Variants in CAPN1 observed in about 807,000 individuals in gnomAD.
CAPN1 encodes calpain-1 catalytic subunit.
CAPN1 carries 77 observed loss-of-function variants against 105.2 expected under a neutral mutation model. That is an observed-to-expected ratio of 0.73 (90% CI 0.61 to 0.88). CAPN1 has a LOEUF of 0.88. Among genes scored for constraint, CAPN1 ranks in the 40% least tolerant of loss-of-function variants. The pLI is 0.00. For missense variants in CAPN1, 833 were observed against 976.6 expected, an observed-to-expected ratio of 0.85 and a Z score of 1.96; for synonymous variants, 355 against 388.8, an observed-to-expected ratio of 0.91 and a Z score of 1.02.
chr11:65,186,755 G>A (rs112743245), intron 6 of CAPN1, among the ~76,000 whole-genome samples: 6 of 151,650 alleles, frequency 4.0e-5, no homozygotes, highest in African/African-American at 9.7e-5. Context: ...ACTCAACTCC[G>A]CTCCCCAGTC....
At chr11:65,200,648 G>C (rs1208262124) in intron 10 of CAPN1, among the ~76,000 whole-genome samples, 1 of 152,036 alleles carries the variant, frequency 6.6e-6, no homozygotes, top group African/African-American at 2.4e-5. Context: ...CGGCCGCCTT[G>C]TTCTTTTTTT....
At position 65,206,516 on chromosome 11, in the gene CAPN1, G is replaced by A. The variant is rs745365536; in HGVS notation, c.1407G>A (p.Ala469=). 32 of 1,613,334 alleles carry A rather than the reference G, an allele frequency of 2.0e-5. No individual in the cohort carries two copies. The highest frequency in any genetic ancestry group is 5.3e-5 in the African/African-American group (4 of 74,942). The change falls in exon 13 of 22, where the codon GCG becomes GCA. Residue 469 remains alanine, a synonymous_variant. Transcript: ENST00000279247. ...HLKRDFFLAN[A]SRARSEQFIN... is the part of the protein sequence containing the mutation. The stretch of plus-strand genomic sequence containing the variant: ...AGCGTGACTTCTTCCTGGCCAATGC[G>A]TCTCGGGCGCGCTCAGAGCAGTTCA...
chr11:65,211,248 G>T lies in CAPN1; in HGVS notation c.2119-12G>T. 1.2e-6 allele frequency: 2 copies of T among 1,612,688 alleles called. No homozygotes were observed. Among genetic ancestry groups the T allele is most frequent in the Non-Finnish European group, 1.7e-6 (2 of 1,179,762 alleles). On this transcript the variant is annotated splice_polypyrimidine_tract_variant and intron_variant, in intron 21 of 21. Coordinates refer to ENST00000279247, the MANE Select transcript of CAPN1 (RefSeq NM_005186.4). ...TTCTGCGGCCCCAGCTGACCTGCCTGTTCTCCCGCAGTGGTTGCAGCTGAC... is the reference window on the plus strand; with the variant it reads ...TTCTGCGGCCCCAGCTGACCTGCCTTTTCTCCCGCAGTGGTTGCAGCTGAC...
chr11:65,189,704 T>A (rs1173133073), intron 10 of CAPN1, among the ~76,000 whole-genome samples: 1 of 152,092 alleles, frequency 6.6e-6, no homozygotes, highest in Non-Finnish European at 1.5e-5. Flanking sequence ...ACAAAACCCA[T>A]CTCCACTGGC....
At chr11:65,185,329 G>C (rs992067077) in intron 4 of CAPN1, among the ~76,000 whole-genome samples, 1 of 151,974 alleles carries the variant, frequency 6.6e-6, no homozygotes, top group African/African-American at 2.4e-5. Context: ...GGGAGAAAAG[G>C]GGGCCTGGGT....
At chr11:65,184,278 C>T (rs1948598611) in intron 4 of CAPN1, among the ~76,000 whole-genome samples, 1 of 152,148 alleles carries the variant, frequency 6.6e-6, no homozygotes, top group Non-Finnish European at 1.5e-5. Context: ...GGAGGTGGCC[C>T]TCGGAACCCA....
chr11:65,204,921 C>A, intron 11 of CAPN1, 63 bp downstream of exon 11: 1 of 1,441,880 alleles, frequency 6.9e-7, no homozygotes, highest in Non-Finnish European at 9.6e-7. Context: ...GCCCCCGACC[C>A]GCAGTGCAGG....
At chr11:65,211,131 T>G in intron 21 of CAPN1, 129 bp from the exon 22 acceptor site, 1 of 1,055,102 alleles carries the variant, frequency 9.5e-7, no homozygotes, top group Non-Finnish European at 1.4e-6. Flanking sequence ...GGTAAGAAAG[T>G]AACCCCTCCA....
Position 65,208,369 on chromosome 11 carries a change from C to A in CAPN1, c.1729+107C>A. The stretch of plus-strand genomic sequence containing the variant: ...ACCTCATCCCTTGGTCTGCATGAGT[C>A]GGGGAATCCTCCAGTTTTTCTGAGC... On this transcript the variant is annotated intron_variant, in intron 16 of 21. Transcript: ENST00000279247. The surrounding 1 kb of genome is among the most constrained non-coding windows in gnomAD (Gnocchi z 4.1). 3.7e-6 allele frequency: 4 copies of A among 1,093,166 alleles called. No individual in the cohort carries two copies. In the South Asian group the frequency reaches 5.4e-5, roughly 15 times the overall value. 67.7% of individuals were successfully genotyped at this position (1,093,166 alleles called of 1,614,324 possible).
At chr11:65,186,461 T>C (rs1948635440) in intron 6 of CAPN1, 123 bp downstream of exon 6, 1 of 849,334 alleles carries the variant, frequency 1.2e-6, no homozygotes, top group Non-Finnish European at 1.8e-6. Context: ...GCTTCATCTC[T>C]GGATGCATAC....
rs1214341034 is a variant in CAPN1 at position 65,182,975 on chromosome 11, G to A, written c.267+7G>A. 2 of 1,613,224 alleles carry A rather than the reference G, an allele frequency of 1.2e-6. No individual in the cohort carries two copies. The highest frequency in any genetic ancestry group is 1.7e-6 in the Non-Finnish European group (2 of 1,179,620). On this transcript the variant is annotated splice_region_variant and intron_variant, in intron 2 of 21. Transcript: ENST00000279247. ...CAAGTGGAAGCGTCCCACGGTGAGA[G>A]GGGCCATCCTGGGTGGGACTCGGCT...
At position 65,210,995 on chromosome 11, in the gene CAPN1, C is replaced by A; in HGVS notation, c.2118+123C>A. The A allele has an allele frequency of 2.2e-6, 2 of 914,188 alleles. No homozygotes were observed. The highest frequency in any genetic ancestry group is 3.6e-6 in the Non-Finnish European group (2 of 562,916). The allele number at this position is 914,188 out of a possible 1,614,324, so 56.6% of individuals were successfully genotyped here. ...GGGCCTCAGAGCCAACCCTGAAGCC[C>A]GGGCCACCTGAATCCTGAAAGGCTG... On this transcript the variant is annotated intron_variant, in intron 21 of 21. Transcript: ENST00000279247. The surrounding 1 kb of genome is among the most constrained non-coding windows in gnomAD (Gnocchi z 4.3).
At position 65,211,374 on chromosome 11, in the gene CAPN1, G is replaced by C; in HGVS notation, c.*88G>C. The C allele has an allele frequency of 1.5e-6, 2 of 1,305,452 alleles. No homozygotes were observed. Among genetic ancestry groups the C allele is most frequent in the Non-Finnish European group, 1.1e-6 (1 of 917,950 alleles). 80.9% of individuals were successfully genotyped at this position (1,305,452 alleles called of 1,614,324 possible). The stretch of plus-strand genomic sequence containing the variant: ...TACCACACCACACCAGGCCACCCCA[G>C]CTGCAAGTGCCTTCCTTGGAGCAGA... On this transcript the variant is annotated 3_prime_UTR_variant, in exon 22 of 22. Transcript: ENST00000279247.
intron 10 of CAPN1, among the ~76,000 whole-genome samples, chr11:65,202,309 T>G (rs564065700): frequency 6.6e-6 from 1 of 152,186 alleles, no homozygotes; most frequent in Non-Finnish European, 1.5e-5. Flanking sequence ...TTCTATTTTT[T>G]AAAAATATCT....
chr11:65,183,427 CG>C (rs1474553306), intron 3 of CAPN1, 46 bp from the exon 4 acceptor site: 6 of 1,436,128 alleles, frequency 4.2e-6, no homozygotes, highest in Middle Eastern at 1.8e-4. Context: ...CTTCCCCCCC[CG>C]GGGCAGGTTG....
rs1310602528 is a variant in CAPN1 at position 65,182,906 on chromosome 11, G to A, written c.205G>A (p.Gly69Ser). The A allele has an allele frequency of 1.3e-5, 21 of 1,610,118 alleles. No homozygotes were observed. Among genetic ancestry groups the A allele is most frequent in the Non-Finnish European group, 1.7e-5 (20 of 1,178,370 alleles). The change falls in exon 2 of 22, where the codon GGT becomes AGT. Residue 69 changes from glycine (G) to serine (S), a missense_variant. Coordinates refer to ENST00000279247, the MANE Select transcript of CAPN1 (RefSeq NM_005186.4). Reference protein sequence around the residue: ...EAFPPVPQSLGYKDLGPNSSK... With the variant: ...EAFPPVPQSLSYKDLGPNSSK... ...CTTCCCCCCGGTACCCCAGAGCCTGGGTTACAAGGACCTGGGTCCCAATTC... is the reference window on the plus strand; with the variant it reads ...CTTCCCCCCGGTACCCCAGAGCCTGAGTTACAAGGACCTGGGTCCCAATTC...
chr11:65,204,619 G>C, intron 10 of CAPN1, 64 bp from the exon 11 acceptor site: 1 of 1,459,588 alleles, frequency 6.9e-7, no homozygotes, highest in Non-Finnish European at 9.5e-7. Flanking sequence ...TGCTGAGGAG[G>C]CTTGGGGGCC....
chr11:65,195,401 C>A (rs1318505674), intron 10 of CAPN1, among the ~76,000 whole-genome samples: 1 of 152,186 alleles, frequency 6.6e-6, no homozygotes, highest in African/African-American at 2.4e-5. Context: ...GCTGAGATTA[C>A]AGGTGTTAGC....
intron 4 of CAPN1, among the ~76,000 whole-genome samples, chr11:65,185,321 G>A (rs1023822119): frequency 3.9e-5 from 6 of 151,970 alleles, no homozygotes; most frequent in Non-Finnish European, 5.9e-5. Context: ...ATGGAAGGGG[G>A]AGAAAAGGGG....
Sources: gnomAD v4.1 joint callset for allele counts (sites outside exome capture counted in the v4.1 genomes callset) on GRCh38, gnomAD v4.1.1 for gene constraint, Gnocchi (gnomAD v3.1) non-coding constraint, MANE v1.5 for transcripts, NCBI Gene and HGNC (gene_info 2026-07-23, HGNC 2026-07-21) for gene names.